TIAM1: variants seen among roughly 807,000 people sequenced by gnomAD.
TIAM1 encodes the protein rho guanine nucleotide exchange factor TIAM1.
TIAM1 carries 65 observed loss-of-function variants against 163.5 expected under a neutral mutation model. That is an observed-to-expected ratio of 0.40 (90% confidence interval 0.33 to 0.49). The LOEUF (loss-of-function observed/expected upper bound fraction) is 0.49, where lower values mean the gene tolerates loss of function less well. Among genes scored for constraint, TIAM1 ranks in the 20% least tolerant of loss-of-function variants. The probability of loss-of-function intolerance (pLI) is 0.77; values close to 1 mark genes in which losing one functional copy is unlikely to be tolerated. For synonymous variants in TIAM1, 833 were observed against 810.1 expected (o/e 1.03, Z -0.48); for missense variants, 1,789 against 2,044.7 (o/e 0.87, Z 2.41).
intron 1 of TIAM1, among the ~76,000 whole-genome samples, chr21:31,489,495 GAGGGAGGGAGAC>G (rs1273296632): frequency 3.0e-5 from 4 of 133,418 alleles, no homozygotes; most frequent in African/African-American, 1.2e-4. Context: ...GAAAGAGAGA[GAGGGAGGGAGAC>G]AGGGAGGGAA....
chr21:31,133,982 C>T (rs995696116), intron 23 of TIAM1, among the ~76,000 whole-genome samples: 5 of 152,000 alleles, frequency 3.3e-5, no homozygotes, highest in Middle Eastern at 3.2e-3. Context: ...ACAGGACAAT[C>T]GCTTGAACCT....
intron 1 of TIAM1, among the ~76,000 whole-genome samples, chr21:31,473,368 T>A (rs2045816311): frequency 7.4e-6 from 1 of 134,478 alleles, no homozygotes; most frequent in South Asian, 2.4e-4. Flanking sequence ...AGGCAGAGCT[T>A]GCAGTGAGCC....
chr21:31,418,029 A>C (rs2147253185), intron 2 of TIAM1, among the ~76,000 whole-genome samples: 1 of 152,262 alleles, frequency 6.6e-6, no homozygotes, highest in Non-Finnish European at 1.5e-5. Context: ...CCCAAAAGGT[A>C]CTGAGCAGAG....
intron 11 of TIAM1, among the ~76,000 whole-genome samples, chr21:31,209,111 A>G (rs1221544795): frequency 6.6e-6 from 1 of 152,100 alleles, no homozygotes; most frequent in East Asian, 1.9e-4. Flanking sequence ...AGCTGTAGAG[A>G]AGCCAGACGT....
At chr21:31,263,500 T>C (rs1164380293) in intron 4 of TIAM1, among the ~76,000 whole-genome samples, 9 of 152,158 alleles carry the variant, frequency 5.9e-5, no homozygotes, top group Non-Finnish European at 1.3e-4. Flanking sequence ...AATAGAAATT[T>C]CGTATAATAA....
At chr21:31,393,445 G>A (rs1451950838) in intron 2 of TIAM1, among the ~76,000 whole-genome samples, 2 of 152,156 alleles carry the variant, frequency 1.3e-5, no homozygotes, top group Non-Finnish European at 2.9e-5. Context: ...CTCCCCAGCA[G>A]CATCCTCTGC....
At chr21:31,402,074 G>A (rs8134535) in intron 2 of TIAM1, among the ~76,000 whole-genome samples, 4 of 151,850 alleles carry the variant, frequency 2.6e-5, no homozygotes, top group Non-Finnish European at 5.9e-5. Context: ...TTAGCCGGGC[G>A]TGGTGGTGCG....
chr21:31,369,704 C>T (rs1263395188), intron 2 of TIAM1, among the ~76,000 whole-genome samples: 2 of 152,002 alleles, frequency 1.3e-5, no homozygotes, highest in Non-Finnish European at 2.9e-5. Context: ...TACATGTCAA[C>T]TAAAAATAAA....
At position 31,487,548 on chromosome 21, in the gene TIAM1, T is replaced by TTG. The variant is rs1486831394; in HGVS notation, c.-421-23514_-421-23513insCA. Among the ~76,000 whole-genome samples the TTG allele has an allele frequency of 2.0e-3, 239 of 122,028 alleles. 9 individuals carry two copies. Among genetic ancestry groups the TTG allele is most frequent in the African/African-American group, 6.9e-3 (216 of 31,102 alleles). The allele number at this position is 122,028 out of a possible 152,430, so 80.1% of individuals were successfully genotyped here. ...ACCATGCCCAGCTAATTTTTTTTTT[T>TTG]TTTGTATTTTTTTTTTTTTTGAGAC... On this transcript the variant is annotated intron_variant, in intron 1 of 28. Transcript: ENST00000286827.
At chr21:31,223,363 G>A (rs367795281) in intron 8 of TIAM1, 43 bp downstream of exon 8, 54 of 1,554,162 alleles carry the variant, frequency 3.5e-5, no homozygotes, top group Admixed American at 3.4e-4. Flanking sequence ...AGGATTAAGC[G>A]TCAAGCTTAA....
At chr21:31,479,463 G>A (rs1216998021) in intron 1 of TIAM1, among the ~76,000 whole-genome samples, 2 of 152,014 alleles carry the variant, frequency 1.3e-5, no homozygotes, top group Non-Finnish European at 2.9e-5. Flanking sequence ...ATAGATGGAT[G>A]GATGGATGGA....
At chr21:31,334,837 C>T (rs531878231) in intron 2 of TIAM1, among the ~76,000 whole-genome samples, 4 of 152,162 alleles carry the variant, frequency 2.6e-5, no homozygotes, top group South Asian at 2.1e-4. Context: ...TGTACCAGGG[C>T]GCCCAGCCTT....
At chr21:31,446,090 G>A (rs958448186) in intron 2 of TIAM1, among the ~76,000 whole-genome samples, 2 of 151,960 alleles carry the variant, frequency 1.3e-5, no homozygotes, top group Non-Finnish European at 2.9e-5. Flanking sequence ...ACAGGCACCC[G>A]CCACCACACC....
At chr21:31,207,220 TC>T (rs1483600728) in intron 11 of TIAM1, among the ~76,000 whole-genome samples, 1 of 152,188 alleles carries the variant, frequency 6.6e-6, no homozygotes, top group African/African-American at 2.4e-5. Flanking sequence ...TTAGCAACAA[TC>T]ATTCCAGTAA....
intron 2 of TIAM1, among the ~76,000 whole-genome samples, chr21:31,307,801 A>C (rs2146977285): frequency 6.6e-6 from 1 of 152,276 alleles, no homozygotes; most frequent in East Asian, 1.9e-4. Context: ...CCTGTTCAGG[A>C]AGAAGACACT....
chr21:31,534,679 C>A (rs9979653), intron 1 of TIAM1, among the ~76,000 whole-genome samples: 33,252 of 151,750 alleles, frequency 0.22, 3,890 homozygotes, highest in African/African-American at 0.27. Context: ...CTCTCAAAAA[C>A]AGAATCCAAA....
chr21:31,320,976 A>G lies in TIAM1; in HGVS notation c.-189+18267T>C, dbSNP rs188836117. On this transcript the variant is annotated intron_variant, in intron 2 of 27. Transcript: ENST00000541036. ...CATTGCACTCCAGCCTGGGTGACAG[A>G]GTGACTCTGTCTCAAAAAAAAAAAA... Among the ~76,000 whole-genome samples the G allele has an allele frequency of 7.6e-4, 115 of 151,488 alleles. 1 individual carries two copies. Among genetic ancestry groups the G allele is most frequent in the African/African-American group, 2.8e-3 (115 of 41,166 alleles).
intron 2 of TIAM1, among the ~76,000 whole-genome samples, chr21:31,356,045 G>A (rs906427245): frequency 5.9e-5 from 9 of 151,948 alleles, no homozygotes; most frequent in Non-Finnish European, 1.3e-4. Flanking sequence ...TTTGAATAAC[G>A]GTCATTCATT....
chr21:31,128,885 G>A (rs2082307283), intron 25 of TIAM1, among the ~76,000 whole-genome samples: 1 of 152,156 alleles, frequency 6.6e-6, no homozygotes, highest in Admixed American at 6.5e-5. Flanking sequence ...TATGGCAAGA[G>A]GGTTCTCCTC....
Sources: gnomAD v4.1 joint callset for allele counts (sites outside exome capture counted in the v4.1 genomes callset) on GRCh38, gnomAD v4.1.1 for gene constraint, MANE v1.5 for transcripts, NCBI Gene and HGNC (gene_info 2026-07-23, HGNC 2026-07-21) for gene names.